The following ANTXR1 variants were observed in gnomAD, a reference collection of about 807,000 sequenced individuals.
ANTXR1 encodes the protein ANTXR cell adhesion molecule 1.
ANTXR1 carries 19 observed loss-of-function variants against 78.1 expected under a neutral mutation model. That is an observed-to-expected ratio of 0.24 (90% confidence interval 0.17 to 0.36). The LOEUF is 0.36. ANTXR1 is among the 10% of genes least tolerant of loss of function. The probability of loss-of-function intolerance (pLI) is 1.00; values close to 1 mark genes in which losing one functional copy is unlikely to be tolerated. For missense variants in ANTXR1, 518 were observed against 718.6 expected, an observed-to-expected ratio of 0.72 and a Z score of 3.19; for synonymous variants, 273 against 260.5, an observed-to-expected ratio of 1.05 and a Z score of -0.46.
intron 8 of ANTXR1, among the ~76,000 whole-genome samples, chr2:69,078,015 A>T (rs1296641584): frequency 6.6e-6 from 1 of 152,130 alleles, no homozygotes; most frequent in East Asian, 1.9e-4. Context: ...TAATGTTGAG[A>T]CCCACTGCTT....
chr2:69,072,562 G>C (rs1181258331), intron 5 of ANTXR1, among the ~76,000 whole-genome samples: 1 of 152,166 alleles, frequency 6.6e-6, no homozygotes, highest in Non-Finnish European at 1.5e-5. Flanking sequence ...AATTCTTCCA[G>C]TCAACTTGTA....
chr2:69,215,146 T>C (rs543879970), intron 17 of ANTXR1, among the ~76,000 whole-genome samples: 2 of 152,302 alleles, frequency 1.3e-5, no homozygotes, highest in African/African-American at 4.8e-5. Context: ...GTATTCGCCA[T>C]CTTCAGGGAA....
intron 2 of ANTXR1, among the ~76,000 whole-genome samples, chr2:69,043,003 C>A (rs1218928986): frequency 1.3e-5 from 2 of 152,188 alleles, no homozygotes; most frequent in Non-Finnish European, 1.5e-5. Flanking sequence ...ACAACTTTGC[C>A]CACATCAGTA....
chr2:69,040,547 G>A (rs1351681856), intron 2 of ANTXR1, among the ~76,000 whole-genome samples: 4 of 152,126 alleles, frequency 2.6e-5, no homozygotes, highest in African/African-American at 4.8e-5. Context: ...CATCCTAAGG[G>A]GAACCCTCCT....
At position 69,094,810 on chromosome 2, in the gene ANTXR1, A is replaced by G. The variant is rs1158549858; in HGVS notation, c.703+3891A>G. Among the ~76,000 whole-genome samples the G allele has an allele frequency of 2.6e-5, 4 of 152,256 alleles. No individual in the cohort carries two copies. In the East Asian group the frequency reaches 7.7e-4, roughly 29 times the overall value. On this transcript the variant is annotated intron_variant, in intron 9 of 17. Transcript: ENST00000303714. ...TGTTGGGCTGCACATAACAAGGTGT[A>G]ATTTAATGGGACAAATATAAAGCGT...
At chr2:69,122,932 C>G (rs1558572361) in intron 10 of ANTXR1, 85 bp from the exon 11 acceptor site, 1 of 1,438,750 alleles carries the variant, frequency 7.0e-7, no homozygotes, top group Non-Finnish European at 9.8e-7. Flanking sequence ...TCTCCCTGGA[C>G]TTGGTTGATG....
intron 16 of ANTXR1, among the ~76,000 whole-genome samples, chr2:69,186,565 G>C (rs555592585): frequency 6.6e-5 from 10 of 152,336 alleles, no homozygotes; most frequent in Middle Eastern, 3.4e-3. Context: ...CCCCAGGGAT[G>C]ATGGGGCAAC....
At chr2:69,112,798 C>T (rs988670685) in intron 10 of ANTXR1, among the ~76,000 whole-genome samples, 9 of 152,160 alleles carry the variant, frequency 5.9e-5, no homozygotes, top group African/African-American at 1.9e-4. Flanking sequence ...CTGGTCTTTG[C>T]CCACTGATTT....
chr2:69,208,849 A>T (rs1674969792), intron 17 of ANTXR1, among the ~76,000 whole-genome samples: 1 of 152,126 alleles, frequency 6.6e-6, no homozygotes, highest in Non-Finnish European at 1.5e-5. Context: ...CCTATCCCAA[A>T]CTTCTTATTT....
intron 17 of ANTXR1, among the ~76,000 whole-genome samples, chr2:69,242,895 A>G (rs1323912885): frequency 1.3e-5 from 2 of 152,256 alleles, no homozygotes; most frequent in African/African-American, 2.4e-5. Flanking sequence ...GGGAATGTAC[A>G]GTACTGGGTT....
chr2:69,033,419 T>C (rs1423134647), intron 1 of ANTXR1, among the ~76,000 whole-genome samples: 1 of 152,222 alleles, frequency 6.6e-6, no homozygotes, highest in African/African-American at 2.4e-5. Flanking sequence ...AGATTATTGT[T>C]CAGTTACTTC....
intron 13 of ANTXR1, among the ~76,000 whole-genome samples, chr2:69,155,097 C>G (rs1268706496): frequency 6.6e-6 from 1 of 152,188 alleles, no homozygotes; most frequent in Non-Finnish European, 1.5e-5. Flanking sequence ...ACCCACTGCA[C>G]TTGGCCTTTC....
At chr2:69,178,909 C>G (rs1674202630) in intron 14 of ANTXR1, among the ~76,000 whole-genome samples, 1 of 152,094 alleles carries the variant, frequency 6.6e-6, no homozygotes, top group African/African-American at 2.4e-5. Flanking sequence ...GTTGAGTCCC[C>G]TGTGGAATAA....
chr2:69,059,108 A>T (rs115694701), intron 3 of ANTXR1, among the ~76,000 whole-genome samples: 1 of 152,364 alleles, frequency 6.6e-6, no homozygotes, highest in Non-Finnish European at 1.5e-5. Context: ...TGAAGATGCT[A>T]TGAACATTGT....
chr2:69,107,287 T>C (rs111581820), intron 10 of ANTXR1, among the ~76,000 whole-genome samples: 2,093 of 152,306 alleles, frequency 0.014, 50 homozygotes, highest in African/African-American at 0.045. Flanking sequence ...TCACCCAGAC[T>C]GGAGTGCAGT....
chr2:69,157,232 C>G (rs1366797029), intron 13 of ANTXR1, among the ~76,000 whole-genome samples: 1 of 152,102 alleles, frequency 6.6e-6, no homozygotes, highest in East Asian at 1.9e-4. Context: ...TCCTACGTCT[C>G]TGTGCAGTTT....
chr2:69,050,463 C>CTTTTTTTTTTTTTTTTTTTTTTTTTTTT (rs1359197276), intron 3 of ANTXR1, among the ~76,000 whole-genome samples: 1 of 151,716 alleles, frequency 6.6e-6, no homozygotes, highest in African/African-American at 2.4e-5. Context: ...TATTCTGGGG[C>CTTTTTTTTTTTTTTTTTTTTTTTTTTTT]TTTATTTCAT....
At chr2:69,185,307 G>A (rs1674390876) in intron 16 of ANTXR1, among the ~76,000 whole-genome samples, 1 of 152,166 alleles carries the variant, frequency 6.6e-6, no homozygotes, top group South Asian at 2.1e-4. Flanking sequence ...TTGGGAGGCC[G>A]AGGAGGGTGG....
At chr2:69,079,866 T>C (rs1053800841) in intron 8 of ANTXR1, among the ~76,000 whole-genome samples, 1 of 152,216 alleles carries the variant, frequency 6.6e-6, no homozygotes, top group Non-Finnish European at 1.5e-5. Flanking sequence ...CCCACATAGA[T>C]GATTGGACTC....
Sources: gnomAD v4.1 joint callset for allele counts (sites outside exome capture counted in the v4.1 genomes callset) on GRCh38, gnomAD v4.1.1 for gene constraint, MANE v1.5 for transcripts, NCBI Gene and HGNC (gene_info 2026-07-23, HGNC 2026-07-21) for gene names.